MYO1E: variants seen among roughly 807,000 people sequenced by gnomAD.
MYO1E encodes myosin IE.
Under a neutral mutation model 151.1 loss-of-function variants are expected in MYO1E, and 68 were observed. That is an observed-to-expected ratio of 0.45 (90% CI 0.37 to 0.55). The LOEUF (loss-of-function observed/expected upper bound fraction) is 0.55. Among genes scored for constraint, MYO1E ranks in the 20% least tolerant of loss-of-function variants. The pLI is 0.00. For missense variants in MYO1E, 1,363 were observed against 1,389.3 expected, an observed-to-expected ratio of 0.98 and a Z score of 0.30; for synonymous variants, 601 against 501.7, an observed-to-expected ratio of 1.20 and a Z score of -2.64.
chr15:59,355,689 G>T (rs1308956728), intron 1 of MYO1E, among the ~76,000 whole-genome samples: 4 of 150,220 alleles, frequency 2.7e-5, no homozygotes, highest in South Asian at 2.1e-4. Context: ...CAATTCTTTC[G>T]ATTCCTTTTT....
At chr15:59,261,577 A>C (rs1019149764) in intron 2 of MYO1E, 68 bp from the exon 3 acceptor site, 30 of 1,027,702 alleles carry the variant, frequency 2.9e-5, no homozygotes, top group Non-Finnish European at 4.6e-5. Flanking sequence ...TTAAGTAACC[A>C]GATGTTATCA....
At chr15:59,325,551 A>G (rs1175839728) in intron 1 of MYO1E, among the ~76,000 whole-genome samples, 1 of 152,242 alleles carries the variant, frequency 6.6e-6, no homozygotes, top group Admixed American at 6.5e-5. Flanking sequence ...AGTGCAATCC[A>G]ATAACACATC....
rs953456273 is a variant in MYO1E at position 59,222,287 on chromosome 15, G to A, written c.910+772C>T. On this transcript the variant is annotated intron_variant, in intron 9 of 27. Coordinates refer to ENST00000288235, the MANE Select transcript of MYO1E (RefSeq NM_004998.4). ...TCCTTAAAGAATGCTGAGAAAGGAAGAATGTCTTCCTGGGTGGTTAAAGGA... is the reference window on the plus strand; with the variant it reads ...TCCTTAAAGAATGCTGAGAAAGGAAAAATGTCTTCCTGGGTGGTTAAAGGA... Among the ~76,000 whole-genome samples the A allele has an allele frequency of 2.0e-5, 3 of 152,196 alleles. No homozygotes were observed. In the South Asian group the frequency reaches 6.2e-4, roughly 31 times the overall value.
At chr15:59,244,028 T>C (rs2080115299) in intron 4 of MYO1E, among the ~76,000 whole-genome samples, 1 of 152,092 alleles carries the variant, frequency 6.6e-6, no homozygotes, top group Non-Finnish European at 1.5e-5. Context: ...AATTCTCAAA[T>C]ACATGCCATG....
At chr15:59,174,821 C>G (rs978316796) in intron 19 of MYO1E, among the ~76,000 whole-genome samples, 2 of 152,046 alleles carry the variant, frequency 1.3e-5, no homozygotes, top group African/African-American at 4.8e-5. Context: ...ACCACAGTGA[C>G]TGGAGCTGGA....
chr15:59,161,234 C>CAAA lies in MYO1E; in HGVS notation c.2628-7_2628-5dup, dbSNP rs2079536634. The CAAA allele has an allele frequency of 3.7e-6, 6 of 1,613,102 alleles. 1 individual carries two copies. Among genetic ancestry groups the CAAA allele is most frequent in the African/African-American group, 1.3e-5 (1 of 74,846 alleles). The stretch of plus-strand genomic sequence containing the variant: ...CTTTTTCAACTTCAGTTCAAGCCTG[C>CAAA]AAAAAGCACAGTGGGGTTAACAGGT... On this transcript the variant is annotated splice_polypyrimidine_tract_variant and splice_region_variant and intron_variant, in intron 23 of 27. Coordinates refer to ENST00000288235, the MANE Select transcript of MYO1E (RefSeq NM_004998.4).
At chr15:59,368,335 G>T (rs760398419) in intron 1 of MYO1E, among the ~76,000 whole-genome samples, 2 of 152,072 alleles carry the variant, frequency 1.3e-5, no homozygotes, top group Non-Finnish European at 2.9e-5. Flanking sequence ...GCAACCACTG[G>T]CCGGGCACAG....
chr15:59,347,491 T>A (rs1266141309), intron 1 of MYO1E, among the ~76,000 whole-genome samples: 5 of 152,190 alleles, frequency 3.3e-5, no homozygotes, highest in Non-Finnish European at 5.9e-5. Flanking sequence ...ATTCTAAATT[T>A]TATCTGGAAG....
intron 1 of MYO1E, among the ~76,000 whole-genome samples, chr15:59,303,219 C>T (rs1387714954): frequency 6.6e-6 from 1 of 152,160 alleles, no homozygotes; most frequent in Non-Finnish European, 1.5e-5. Context: ...AAAAGCCAGC[C>T]TGAGCAACGT....
chr15:59,181,176 T>C (rs1446925755), intron 18 of MYO1E, among the ~76,000 whole-genome samples: 1 of 152,188 alleles, frequency 6.6e-6, no homozygotes, highest in Non-Finnish European at 1.5e-5. Context: ...CTCTTGCCCG[T>C]GAAGTGGAAC....
At chr15:59,304,241 C>T (rs1416858173) in intron 1 of MYO1E, among the ~76,000 whole-genome samples, 3 of 152,116 alleles carry the variant, frequency 2.0e-5, no homozygotes, top group African/African-American at 4.8e-5. Flanking sequence ...CCTTGGCCTC[C>T]CACAGTGCTG....
intron 1 of MYO1E, among the ~76,000 whole-genome samples, chr15:59,297,001 G>A (rs7402948): frequency 0.15 from 3,576 of 24,334 alleles, 360 homozygotes; most frequent in South Asian, 0.32. Context: ...TACCACGCCC[G>A]GCTAATCGCC....
chr15:59,252,245 G>C (rs1441286166), intron 4 of MYO1E, among the ~76,000 whole-genome samples: 7 of 152,072 alleles, frequency 4.6e-5, no homozygotes, highest in African/African-American at 1.7e-4. Context: ...GAGCACTCTT[G>C]GTGTCTAGTT....
chr15:59,212,457 T>G (rs781466057), intron 12 of MYO1E, among the ~76,000 whole-genome samples: 2 of 152,126 alleles, frequency 1.3e-5, no homozygotes, highest in African/African-American at 2.4e-5. Flanking sequence ...TTGATGTGTG[T>G]AATGGCTTGA....
intron 12 of MYO1E, among the ~76,000 whole-genome samples, chr15:59,213,616 G>A (rs945124809): frequency 8.8e-5 from 13 of 147,224 alleles, no homozygotes; most frequent in African/African-American, 2.5e-4. Context: ...ATGCCACCAC[G>A]TCCAGCTAAT....
At chr15:59,288,935 T>C (rs192880732) in intron 1 of MYO1E, among the ~76,000 whole-genome samples, 3 of 152,222 alleles carry the variant, frequency 2.0e-5, no homozygotes, top group Admixed American at 1.3e-4. Context: ...AGGCAAAAAA[T>C]TAAGGTGTTT....
rs2080064578 is a variant in MYO1E at position 59,236,366 on chromosome 15, ATAT to A, written c.420+216_420+218del. ...GTCTCAAAAAAGAAAAAAAAAAAAT[ATAT>A]ACACACACACACACACACACACACA... is the stretch of plus-strand genomic sequence containing the variant. On this transcript the variant is annotated intron_variant, in intron 5 of 27. Transcript: ENST00000288235. 4.2e-5 allele frequency among the ~76,000 whole-genome samples: 3 copies of A among 70,820 alleles called. 1 individual carries two copies. The highest frequency in any genetic ancestry group is 8.9e-5 in the Non-Finnish European group (3 of 33,714). The allele number at this position is 70,820 out of a possible 152,430, so 46.5% of individuals were successfully genotyped here.
At chr15:59,270,063 G>T (rs1414972898) in intron 2 of MYO1E, among the ~76,000 whole-genome samples, 1 of 152,048 alleles carries the variant, frequency 6.6e-6, no homozygotes, top group Non-Finnish European at 1.5e-5. Context: ...AAAAAATGGT[G>T]GTAAGTAAGA....
intron 1 of MYO1E, among the ~76,000 whole-genome samples, chr15:59,294,873 T>C (rs1438548694): frequency 6.6e-6 from 1 of 152,212 alleles, no homozygotes; most frequent in African/African-American, 2.4e-5. Flanking sequence ...CATGATGTTC[T>C]CACCACCTGG....
Sources: gnomAD v4.1 joint callset for allele counts (sites outside exome capture counted in the v4.1 genomes callset) on GRCh38, gnomAD v4.1.1 for gene constraint, MANE v1.5 for transcripts, NCBI Gene and HGNC (gene_info 2026-07-23, HGNC 2026-07-21) for gene names.